Variants in LIPA observed in about 807,000 individuals in gnomAD.
The protein encoded by LIPA is lysosomal acid lipase/cholesteryl ester hydrolase.
Under a neutral mutation model 40.6 loss-of-function variants are expected in LIPA, and 26 were observed. The observed-to-expected ratio is 0.64, with a 90% confidence interval of 0.47 to 0.89. The LOEUF is 0.89. Among genes scored for constraint, LIPA ranks in the 40% least tolerant of loss-of-function variants. LIPA has a pLI of 0.00. For missense variants in LIPA, 455 were observed against 479.6 expected (o/e 0.95, Z 0.48); for synonymous variants, 188 against 168.4 (o/e 1.12, Z -0.90).
At chr10:89,412,518 C>T (rs886728964) in intron 2 of LIPA, 5 of 178,458 alleles carry the variant, frequency 2.8e-5, no homozygotes, top group South Asian at 1.7e-4. Context: ...CAGCCAGCAG[C>T]GGCAACCTGC....
At chr10:89,374,160 A>G (rs1844107749) in intron 2 of LIPA, among the ~76,000 whole-genome samples, 1 of 152,204 alleles carries the variant, frequency 6.6e-6, no homozygotes, top group Admixed American at 6.5e-5. Context: ...TTTAAGTGAA[A>G]TCAAGTTCAC....
At chr10:89,266,531 T>C (rs1172265998) in intron 1 of LIPA, among the ~76,000 whole-genome samples, 1 of 152,242 alleles carries the variant, frequency 6.6e-6, no homozygotes, top group Non-Finnish European at 1.5e-5. Flanking sequence ...CATATGAATT[T>C]CATGTTTAGA....
In LIPA at chr10:89,350,379, C is replaced by T. The variant is rs1197318685; in HGVS notation, c.61+62412G>A. Among the ~76,000 whole-genome samples the T allele has an allele frequency of 2.0e-5, 3 of 146,598 alleles. No homozygotes were observed. In the South Asian group the frequency reaches 7.2e-4, roughly 35 times the overall value. On this transcript the variant is annotated intron_variant, in intron 2 of 8. Coordinates refer to the LIPA transcript ENST00000371837. Reference sequence around the variant, plus strand: ...GGAGGGCAATGGCGCAATCTCGGCTCACTGCAAGCTCCGCCTCCCAGGTTC... The same window carrying T: ...GGAGGGCAATGGCGCAATCTCGGCTTACTGCAAGCTCCGCCTCCCAGGTTC...
At chr10:89,348,284 C>G (rs118043504) in intron 2 of LIPA, among the ~76,000 whole-genome samples, 1 of 152,142 alleles carries the variant, frequency 6.6e-6, no homozygotes, top group East Asian at 1.9e-4. Flanking sequence ...CTCCTTTATG[C>G]CTCCCTGGGG....
intron 1 of LIPA, among the ~76,000 whole-genome samples, chr10:89,316,263 C>G (rs555366878): frequency 6.6e-6 from 1 of 152,154 alleles, no homozygotes; most frequent in Non-Finnish European, 1.5e-5. Context: ...CAAAGCAGGG[C>G]GGGGCATCGC....
chr10:89,228,033 G>A (rs767946657), intron 4 of LIPA, among the ~76,000 whole-genome samples, 167 bp downstream of exon 4: 2 of 152,134 alleles, frequency 1.3e-5, no homozygotes, highest in Non-Finnish European at 2.9e-5. Flanking sequence ...TTACCTTACT[G>A]CTAGTCATTA....
chr10:89,256,896 T>A (rs1195983202), intron 1 of LIPA, among the ~76,000 whole-genome samples: 1 of 152,228 alleles, frequency 6.6e-6, no homozygotes. Flanking sequence ...GTGGATGACC[T>A]ATACCTTTTC....
chr10:89,410,422 G>A (rs777242895), intron 2 of LIPA, among the ~76,000 whole-genome samples: 1 of 152,202 alleles, frequency 6.6e-6, no homozygotes, highest in Non-Finnish European at 1.5e-5. Flanking sequence ...TATGCTGCCC[G>A]AGATGATCCC....
In LIPA at chr10:89,257,594, C is replaced by A. The variant is rs1843187537; in HGVS notation, c.-1-9945G>T. Among the ~76,000 whole-genome samples the A allele has an allele frequency of 2.0e-5, 3 of 152,172 alleles. No individual in the cohort carries two copies. The South Asian group carries it at 6.2e-4, about 32-fold the overall frequency. On this transcript the variant is annotated intron_variant, in intron 1 of 5. Transcript: ENST00000282673. ...CAAATAGTGCAAAAGAAAGAGCAAT[C>A]CTTGAGAAAAGAAAAACAAATGAAA...
chr10:89,219,486 A>G (rs184823570), intron 8 of LIPA, among the ~76,000 whole-genome samples: 68 of 152,366 alleles, frequency 4.5e-4, no homozygotes, highest in African/African-American at 1.6e-3. Context: ...TGCTATATTT[A>G]AAATCCCGCT....
At chr10:89,293,678 A>ACGAGAGAG (rs563646884) in intron 1 of LIPA, 16,541 of 125,984 alleles carry the variant, frequency 0.13, 1,160 homozygotes, top group South Asian at 0.24. Context: ...TCTGTGTGAG[A>ACGAGAGAG]TGAGAGAGAG....
At chr10:89,248,201 G>A (rs1426905162) in intron 1 of LIPA, among the ~76,000 whole-genome samples, 2 of 142,468 alleles carry the variant, frequency 1.4e-5, no homozygotes, top group African/African-American at 5.3e-5. Context: ...TCGCTCTGTT[G>A]CCCAGGCTGG....
intron 1 of LIPA, chr10:89,340,240 T>G (rs1319069258): frequency 8.7e-7 from 1 of 1,145,112 alleles, no homozygotes; most frequent in Non-Finnish European, 1.2e-6. Flanking sequence ...AAGCTTTGCA[T>G]GTTGCTCTAA....
intron 1 of LIPA, chr10:89,332,536 C>A: frequency 1.9e-6 from 3 of 1,612,854 alleles, no homozygotes; most frequent in Admixed American, 3.3e-5. Context: ...TGGGTGGAAA[C>A]CTCTTCAGCA....
At chr10:89,297,231 T>A (rs1376665627) in intron 1 of LIPA, among the ~76,000 whole-genome samples, 2 of 152,148 alleles carry the variant, frequency 1.3e-5, no homozygotes, top group Non-Finnish European at 2.9e-5. Flanking sequence ...TCCTGCAAAC[T>A]GCTGCAATCT....
intron 1 of LIPA, among the ~76,000 whole-genome samples, chr10:89,271,940 C>T (rs951032285): frequency 9.2e-5 from 14 of 152,006 alleles, no homozygotes; most frequent in African/African-American, 2.2e-4. Flanking sequence ...TACATTGTCA[C>T]GCACCTGTAG....
chr10:89,378,137 T>C, intron 2 of LIPA: 1 of 1,614,028 alleles, frequency 6.2e-7, no homozygotes, highest in South Asian at 1.1e-5. Flanking sequence ...CATAGCACCA[T>C]GAGGTAAAGT....
At chr10:89,248,304 G>A (rs917673494) in intron 1 of LIPA, among the ~76,000 whole-genome samples, 4 of 151,232 alleles carry the variant, frequency 2.6e-5, no homozygotes, top group Non-Finnish European at 4.4e-5. Context: ...TGGGACTACA[G>A]GTGCAGGCCA....
intron 2 of LIPA, among the ~76,000 whole-genome samples, chr10:89,355,572 GTGAAATAAGGC>G (rs1225918717): frequency 1.3e-5 from 2 of 152,208 alleles, no homozygotes; most frequent in African/African-American, 4.8e-5. Flanking sequence ...TAGGGGCTGG[GTGAAATAAGGC>G]TGAGACCTAC....
Sources: gnomAD v4.1 joint callset for allele counts (sites outside exome capture counted in the v4.1 genomes callset) on GRCh38, gnomAD v4.1.1 for gene constraint, MANE v1.5 for transcripts, NCBI Gene and HGNC (gene_info 2026-07-23, HGNC 2026-07-21) for gene names.